TMEM196: variants seen among roughly 807,000 people sequenced by gnomAD.
TMEM196 encodes transmembrane protein 196.
A neutral mutation model predicts 20.0 loss-of-function variants in TMEM196; 17 were observed. The ratio of observed to expected loss-of-function variants is 0.85; its 90% CI spans 0.58 to 1.27. The LOEUF is 1.27. TMEM196 is among the 50% of genes most tolerant of loss of function. The probability of loss-of-function intolerance (pLI) is 0.00; values close to 1 mark genes in which losing one functional copy is unlikely to be tolerated. For missense variants in TMEM196, 267 were observed against 223.0 expected (o/e 1.20, Z -1.26); for synonymous variants, 113 against 88.9 (o/e 1.27, Z -1.52).
chr7:19,750,716 G>C (rs757622566), intron 1 of TMEM196, among the ~76,000 whole-genome samples: 44 of 152,080 alleles, frequency 2.9e-4, no homozygotes, highest in Non-Finnish European at 5.4e-4. Context: ...TTTATAGGCA[G>C]TTCTATCCTT....
At chr7:19,757,764 T>C (rs1407784844) in intron 1 of TMEM196, among the ~76,000 whole-genome samples, 1 of 152,062 alleles carries the variant, frequency 6.6e-6, no homozygotes, top group Non-Finnish European at 1.5e-5. Context: ...AATTAATTAA[T>C]ATTGCTTGTC....
chr7:19,771,267 G>C (rs891631049), intron 1 of TMEM196, among the ~76,000 whole-genome samples: 3 of 152,076 alleles, frequency 2.0e-5, no homozygotes, highest in Non-Finnish European at 2.9e-5. Context: ...TTATTTGGAG[G>C]CTGATAGTAA....
At chr7:19,737,689 G>T (rs1342080503) in intron 1 of TMEM196, among the ~76,000 whole-genome samples, 1 of 151,774 alleles carries the variant, frequency 6.6e-6, no homozygotes, top group Non-Finnish European at 1.5e-5. Flanking sequence ...TTCCAATTCT[G>T]TAAACTTTTG....
rs1457555512 is a variant in TMEM196, at chr7:19,760,457, T to C, written c.147+12093A>G. 4.8e-5 allele frequency among the ~76,000 whole-genome samples: 7 copies of C among 144,718 alleles called. No homozygotes were observed. The East Asian group carries it at 1.5e-3, about 31-fold the overall frequency. 94.9% of individuals were successfully genotyped at this position (144,718 alleles called of 152,430 possible). On this transcript the variant is annotated intron_variant, in intron 1 of 4. Coordinates refer to ENST00000405844, the MANE Select transcript of TMEM196 (RefSeq NM_001363562.2). Reference sequence around the variant, plus strand: ...CTCAATGCAACCTCTGCCTCCTGGGTTCAAGCGATTTTTCTTCCTCAGTCT... The same window carrying C: ...CTCAATGCAACCTCTGCCTCCTGGGCTCAAGCGATTTTTCTTCCTCAGTCT...
intron 1 of TMEM196, among the ~76,000 whole-genome samples, chr7:19,732,572 C>CA (rs1306393130): frequency 0.072 from 3,627 of 50,270 alleles, 75 homozygotes; most frequent in Middle Eastern, 0.16. Context: ...GACTCCATCT[C>CA]AAAAAAAAAA....
At chr7:19,724,870 C>T (rs1367156609) in intron 3 of TMEM196, among the ~76,000 whole-genome samples, 1 of 152,030 alleles carries the variant, frequency 6.6e-6, no homozygotes, top group Non-Finnish European at 1.5e-5. Flanking sequence ...GTAATAGAAA[C>T]ACAGACATCA....
intron 4 of TMEM196, among the ~76,000 whole-genome samples, 178 bp from the exon 5 acceptor site, chr7:19,722,312 A>G (rs1241915452): frequency 1.3e-5 from 2 of 152,164 alleles, no homozygotes; most frequent in Admixed American, 6.6e-5. Context: ...CTTGGAGCAC[A>G]TGCAAATGCC....
chr7:19,754,481 A>T (rs1397598890), intron 1 of TMEM196, among the ~76,000 whole-genome samples: 1 of 152,232 alleles, frequency 6.6e-6, no homozygotes. Context: ...TATTATAATT[A>T]CAACTCTAAT....
intron 1 of TMEM196, among the ~76,000 whole-genome samples, chr7:19,731,529 C>G (rs188185661): frequency 1.3e-5 from 2 of 152,340 alleles, no homozygotes; most frequent in Non-Finnish European, 2.9e-5. Context: ...TTAAGTTTCC[C>G]TGACTACCCC....
chr7:19,728,655 A>G (rs567430516), intron 2 of TMEM196, among the ~76,000 whole-genome samples: 10 of 152,296 alleles, frequency 6.6e-5, no homozygotes, highest in African/African-American at 2.4e-4. Context: ...AATTTTGCCA[A>G]TTTGTGTCTA....
At chr7:19,727,873 A>C (rs1399342767) in intron 2 of TMEM196, among the ~76,000 whole-genome samples, 1 of 152,166 alleles carries the variant, frequency 6.6e-6, no homozygotes, top group African/African-American at 2.4e-5. Context: ...ACTATTTTCA[A>C]ATTTCACCAG....
chr7:19,762,627 C>A (rs1053884595), intron 1 of TMEM196, among the ~76,000 whole-genome samples: 5 of 152,002 alleles, frequency 3.3e-5, no homozygotes, highest in African/African-American at 1.2e-4. Flanking sequence ...ATGTACTTGG[C>A]TATAGCTTAG....
intron 1 of TMEM196, among the ~76,000 whole-genome samples, chr7:19,761,610 G>A (rs1785439116): frequency 6.6e-6 from 1 of 152,176 alleles, no homozygotes; most frequent in Admixed American, 6.5e-5. Flanking sequence ...ATAGCAAACA[G>A]AAATTAAACC....
In TMEM196 at chr7:19,766,843, CA is replaced by C. The variant is rs1255262890; in HGVS notation, c.147+5706del. 4.6e-5 allele frequency among the ~76,000 whole-genome samples: 7 copies of C among 151,802 alleles called. No homozygotes were observed. The South Asian group carries it at 1.5e-3, about 32-fold the overall frequency. ...GTTGCATGAAAACCAAATGAATATA[CA>C]AAAAAGTTAGATAGTTTGGTTCTAT... On this transcript the variant is annotated intron_variant, in intron 1 of 4. Transcript: ENST00000405844.
intron 1 of TMEM196, among the ~76,000 whole-genome samples, chr7:19,767,439 G>A (rs1439815156): frequency 6.6e-6 from 1 of 151,964 alleles, no homozygotes; most frequent in East Asian, 1.9e-4. Context: ...CTTTACCTGG[G>A]CTCTACAGAA....
At chr7:19,739,654 A>T (rs1206254603) in intron 1 of TMEM196, among the ~76,000 whole-genome samples, 1 of 152,170 alleles carries the variant, frequency 6.6e-6, no homozygotes, top group African/African-American at 2.4e-5. Context: ...AAAACTAATA[A>T]GGAAAAGATA....
intron 1 of TMEM196, 93 bp from the exon 2 acceptor site, chr7:19,729,531 G>A: frequency 8.8e-6 from 10 of 1,140,418 alleles, no homozygotes; most frequent in Admixed American, 2.4e-5. Context: ...CTTTCTCCAG[G>A]GAAGATAGAA....
chr7:19,752,458 T>C (rs908256015), intron 1 of TMEM196, among the ~76,000 whole-genome samples: 1 of 152,168 alleles, frequency 6.6e-6, no homozygotes, highest in Non-Finnish European at 1.5e-5. Context: ...CACCAGCCCT[T>C]AACAGGATTA....
At chr7:19,736,401 A>ATATAT (rs1784410522) in intron 1 of TMEM196, among the ~76,000 whole-genome samples, 2 of 110,128 alleles carry the variant, frequency 1.8e-5, no homozygotes, top group Non-Finnish European at 3.8e-5. Flanking sequence ...ATATATATAT[A>ATATAT]AATTATCTCT....
Sources: allele counts gnomAD v4.1 joint callset (sites outside exome capture counted in the v4.1 genomes callset), GRCh38; gene constraint gnomAD v4.1.1; transcripts MANE v1.5; gene names NCBI Gene and HGNC (gene_info 2026-07-23, HGNC 2026-07-21).